Variants in FNDC3B observed in about 807,000 individuals in gnomAD.
The protein encoded by FNDC3B is fibronectin type III domain-containing protein 3B.
FNDC3B carries 12 observed loss-of-function variants against 151.5 expected under a neutral mutation model. The observed-to-expected ratio is 0.08, with a 90% CI of 0.05 to 0.13. The LOEUF is 0.13. FNDC3B is among the 10% of genes least tolerant of loss of function. The probability of loss-of-function intolerance (pLI) is 1.00; values close to 1 mark genes in which losing one functional copy is unlikely to be tolerated. For synonymous variants in FNDC3B, 528 were observed against 549.0 expected (o/e 0.96, Z 0.54); for missense variants, 1,214 against 1,505.3 (o/e 0.81, Z 3.20).
Position 172,318,314 on chromosome 3 carries a change from A to G in FNDC3B, c.1254+7433A>G, listed in dbSNP as rs9837530. On this transcript the variant is annotated intron_variant, in intron 11 of 25. Transcript: ENST00000415807. ...GCCAGGCAGGCCCAGCAGTCCTGTCACAGAAACCTCCTGAAGCAGGTGGCC... is the reference window on the plus strand; with the variant it reads ...GCCAGGCAGGCCCAGCAGTCCTGTCGCAGAAACCTCCTGAAGCAGGTGGCC... Among the ~76,000 whole-genome samples, 1,283 of 152,350 alleles carry G rather than the reference A, an allele frequency of 8.4e-3. 26 individuals carry two copies. The highest frequency in any genetic ancestry group is 0.029 in the African/African-American group (1,215 of 41,590).
chr3:172,096,825 G>C (rs907491148), intron 1 of FNDC3B, among the ~76,000 whole-genome samples: 9 of 152,044 alleles, frequency 5.9e-5, no homozygotes, highest in Non-Finnish European at 1.5e-5. Context: ...ACGCTATAAC[G>C]CATAGGAATG....
chr3:172,045,911 C>A (rs1298711155), intron 1 of FNDC3B, among the ~76,000 whole-genome samples: 6 of 152,012 alleles, frequency 3.9e-5, no homozygotes, highest in Non-Finnish European at 8.8e-5. Flanking sequence ...TAGACAAGCA[C>A]AGGCCCAACT....
At chr3:172,253,713 G>T (rs976370700) in intron 6 of FNDC3B, among the ~76,000 whole-genome samples, 3 of 151,676 alleles carry the variant, frequency 2.0e-5, no homozygotes, top group African/African-American at 7.3e-5. Flanking sequence ...TGTGTTTTTT[G>T]TTTTTGTTTT....
At chr3:172,365,399 AAGGTGAGAACCATAGAT>A (rs1410836401) in intron 23 of FNDC3B, among the ~76,000 whole-genome samples, 2 of 152,220 alleles carry the variant, frequency 1.3e-5, no homozygotes, top group African/African-American at 2.4e-5. Flanking sequence ...GCTTGTGGCC[AAGGTGAGAACCATAGAT>A]AGGCTTGTTA....
chr3:172,152,474 T>C (rs900482521), intron 3 of FNDC3B, among the ~76,000 whole-genome samples: 2 of 152,102 alleles, frequency 1.3e-5, no homozygotes, highest in Admixed American at 6.6e-5. Flanking sequence ...CTCCATCCAT[T>C]GCCCATTCTC....
intron 21 of FNDC3B, among the ~76,000 whole-genome samples, chr3:172,350,855 A>G (rs1733819178): frequency 6.6e-6 from 1 of 152,208 alleles, no homozygotes; most frequent in Admixed American, 6.5e-5. Context: ...CTCAAAAACA[A>G]AAAACAAAAC....
intron 15 of FNDC3B, 60 bp downstream of exon 15, chr3:172,335,142 A>G: frequency 6.7e-7 from 1 of 1,498,388 alleles, no homozygotes; most frequent in Non-Finnish European, 8.9e-7. Context: ...AGATTTTTAA[A>G]AAATGATTCA....
At chr3:172,250,961 C>A (rs548648756) in intron 5 of FNDC3B, among the ~76,000 whole-genome samples, 1 of 152,094 alleles carries the variant, frequency 6.6e-6, no homozygotes, top group South Asian at 2.1e-4. Flanking sequence ...GGATTATAGG[C>A]GCCTACCACC....
chr3:172,238,837 G>C (rs1002464363), intron 4 of FNDC3B, among the ~76,000 whole-genome samples: 15 of 152,128 alleles, frequency 9.9e-5, no homozygotes, highest in African/African-American at 3.6e-4. Context: ...ACTTACACTG[G>C]AGATGTTTGA....
intron 3 of FNDC3B, among the ~76,000 whole-genome samples, chr3:172,223,885 C>T (rs1726417864): frequency 6.6e-6 from 1 of 152,230 alleles, no homozygotes; most frequent in Non-Finnish European, 1.5e-5. Context: ...GATTATTGTG[C>T]CATGCACTGC....
chr3:172,129,390 G>C (rs1720958282), intron 2 of FNDC3B, among the ~76,000 whole-genome samples: 1 of 152,116 alleles, frequency 6.6e-6, no homozygotes, highest in African/African-American at 2.4e-5. Context: ...AGATACTATT[G>C]GCACCTGGTT....
intron 3 of FNDC3B, among the ~76,000 whole-genome samples, chr3:172,223,321 A>G (rs771803976): frequency 2.0e-5 from 3 of 152,210 alleles, no homozygotes; most frequent in Non-Finnish European, 2.9e-5. Context: ...CAGAAAGGAG[A>G]GGAACTTGGG....
chr3:172,133,456 G>A lies in FNDC3B; in HGVS notation c.112-15G>A, dbSNP rs761382945. 1.2e-6 allele frequency: 2 copies of A among 1,602,708 alleles called. No homozygotes were observed. The highest frequency in any genetic ancestry group is 2.2e-5 in the East Asian group (1 of 44,776). On this transcript the variant is annotated splice_polypyrimidine_tract_variant and intron_variant, in intron 2 of 25. Coordinates refer to ENST00000415807, the MANE Select transcript of FNDC3B (RefSeq NM_022763.4). ...GTTCCAGTATTAAACTGAAATTAAT[G>A]TGTTGTTTTGGCAGGTTATTCTCGT...
intron 3 of FNDC3B, among the ~76,000 whole-genome samples, chr3:172,190,346 T>C (rs1227976101): frequency 6.6e-6 from 1 of 152,234 alleles, no homozygotes; most frequent in Non-Finnish European, 1.5e-5. Flanking sequence ...TATAATGTTT[T>C]TAATAAAGTT....
chr3:172,294,336 C>G (rs1310209517), intron 7 of FNDC3B, among the ~76,000 whole-genome samples: 1 of 152,174 alleles, frequency 6.6e-6, no homozygotes, highest in Non-Finnish European at 1.5e-5. Flanking sequence ...CATGCTTCTG[C>G]AGGCTGTACA....
chr3:172,397,305 G>A lies in FNDC3B; in HGVS notation c.3445G>A (p.Val1149Ile), dbSNP rs1361288526. 1.9e-6 allele frequency: 3 copies of A among 1,614,042 alleles called. No individual in the cohort carries two copies. The highest frequency in any genetic ancestry group is 1.3e-5 in the African/African-American group (1 of 74,906). The change falls in exon 26 of 26, where the codon GTA (valine) becomes ATA (isoleucine). Residue 1149 changes from valine (V) to isoleucine (I), a missense_variant. Physicochemically the swap from Val to Ile is conservative, Grantham distance 29. Around this residue, in one of 7 missense-constraint regions of FNDC3B, gnomAD observed 284 missense variants for 392.4 expected, o/e 0.72. Coordinates refer to ENST00000415807, the MANE Select transcript of FNDC3B (RefSeq NM_022763.4). ...SGAFSPSAAF[V>I]LQRSEVMLTG... is the part of the protein sequence containing the mutation. ...AGCCTTCAGCCCCTCTGCGGCTTTTGTATTACAACGAAGTGAGGTCATGCT... is the reference window on the plus strand; with the variant it reads ...AGCCTTCAGCCCCTCTGCGGCTTTTATATTACAACGAAGTGAGGTCATGCT...
At chr3:172,181,135 C>T (rs1391378841) in intron 3 of FNDC3B, among the ~76,000 whole-genome samples, 1 of 74,836 alleles carries the variant, frequency 1.3e-5, no homozygotes, top group Non-Finnish European at 3.0e-5. Context: ...GTGGCTCATG[C>T]CTGTAATCCC....
chr3:172,264,633 C>G (rs1361730817), intron 6 of FNDC3B, among the ~76,000 whole-genome samples: 1 of 152,182 alleles, frequency 6.6e-6, no homozygotes, highest in Non-Finnish European at 1.5e-5. Context: ...TCAACACTTT[C>G]ATTCATTCAT....
At chr3:172,264,294 G>C (rs1174745742) in intron 6 of FNDC3B, among the ~76,000 whole-genome samples, 2 of 152,168 alleles carry the variant, frequency 1.3e-5, no homozygotes, top group African/African-American at 4.8e-5. Flanking sequence ...ACCACGCCCA[G>C]CCCTGCATCA....
Sources: gnomAD v4.1 joint callset for allele counts (sites outside exome capture counted in the v4.1 genomes callset) on GRCh38, gnomAD v4.1.1 for gene constraint, gnomAD v4.1.1 regional missense constraint, MANE v1.5 for transcripts, NCBI Gene and HGNC (gene_info 2026-07-23, HGNC 2026-07-21) for gene names.